Variants in SYAP1 observed in about 807,000 individuals in gnomAD.
The protein encoded by SYAP1 is synapse associated protein 1, also known as synapse-associated protein 1.
SYAP1 carries 3 observed loss-of-function variants against 29.6 expected under a neutral mutation model. The observed-to-expected ratio is 0.10, with a 90% confidence interval of 0.05 to 0.26. SYAP1 has a LOEUF of 0.26. Ranked by LOEUF, SYAP1 falls within the 10% of genes least tolerant of loss-of-function variation. SYAP1 has a pLI of 1.00. For missense variants in SYAP1, 217 were observed against 264.1 expected, an observed-to-expected ratio of 0.82 and a Z score of 1.24; for synonymous variants, 102 against 102.7, an observed-to-expected ratio of 0.99 and a Z score of 0.04.
At chrX:16,750,564 G>A (rs1010682984) in intron 5 of SYAP1, among the ~76,000 whole-genome samples, 19 of 111,024 alleles carry the variant, frequency 1.7e-4, no homozygotes, top group African/African-American at 6.2e-4. Flanking sequence ...GTGGGGCTGT[G>A]TCTGGCAGCA....
intron 5 of SYAP1, among the ~76,000 whole-genome samples, chrX:16,746,003 G>A (rs983943120): frequency 2.7e-5 from 3 of 109,703 alleles, no homozygotes; most frequent in Non-Finnish European, 3.8e-5. Context: ...AGCAGCACAG[G>A]TTTTCTGTCT....
chrX:16,761,894 T>C lies in SYAP1; in HGVS notation c.*1535T>C, dbSNP rs1292928318. Reference sequence around the variant, plus strand: ...AGTCAGTAGTCCTTTGGCAAAGATATAGTCAACAAGAGAACTGGGTATGAG... The same window carrying C: ...AGTCAGTAGTCCTTTGGCAAAGATACAGTCAACAAGAGAACTGGGTATGAG... On this transcript the variant is annotated 3_prime_UTR_variant, in exon 9 of 9. Coordinates refer to ENST00000380155, the MANE Select transcript of SYAP1 (RefSeq NM_032796.4). 1.8e-5 allele frequency: 2 copies of C among 112,126 alleles called. No individual in the cohort carries two copies. Among genetic ancestry groups the C allele is most frequent in the Non-Finnish European group, 3.8e-5 (2 of 53,283 alleles). 9.2% of individuals were successfully genotyped at this position (112,126 alleles called of 1,213,427 possible).
intron 1 of SYAP1, among the ~76,000 whole-genome samples, chrX:16,728,389 G>A (rs947515459): frequency 6.3e-5 from 7 of 111,562 alleles, no homozygotes; most frequent in Admixed American, 4.8e-4. Flanking sequence ...CAAAACAGCC[G>A]GGCACAGTGG....
rs1406947077 is a variant in SYAP1 at position 16,764,355 on chromosome X, T to C, written c.*3996T>C. ...TAGCAAATTTAGTTTTTCAACTTTT[T>C]TTTTTTTCTTTTTTTTTTTTTTTGA... On this transcript the variant is annotated 3_prime_UTR_variant, in exon 9 of 9. Coordinates refer to ENST00000380155, the MANE Select transcript of SYAP1 (RefSeq NM_032796.4). 9.2e-6 allele frequency: 1 copy of C among 108,594 alleles called. No individual in the cohort carries two copies. The highest frequency in any genetic ancestry group is 1.9e-5 in the Non-Finnish European group (1 of 52,316). 8.9% of individuals were successfully genotyped at this position (108,594 alleles called of 1,213,427 possible). A position where few individuals can be genotyped will look rare whatever the true frequency, so the allele number is the denominator to read the frequency against.
intron 1 of SYAP1, among the ~76,000 whole-genome samples, chrX:16,722,462 A>T (rs1362772519): frequency 9.3e-6 from 1 of 107,300 alleles, no homozygotes. Context: ...CGGGAGGCGG[A>T]GGTTGCAGTG....
intron 5 of SYAP1, among the ~76,000 whole-genome samples, chrX:16,744,614 C>G (rs755163852): frequency 8.9e-6 from 1 of 111,748 alleles, no homozygotes. Flanking sequence ...GGGAGGATCA[C>G]GTGAGGTTGA....
chrX:16,736,501 TCTC>T, intron 3 of SYAP1: 2 of 246,447 alleles, frequency 8.1e-6, no homozygotes, highest in Non-Finnish European at 7.3e-6. Context: ...GTTCTGACTT[TCTC>T]TTTTCTTTTC....
intron 3 of SYAP1, among the ~76,000 whole-genome samples, chrX:16,737,853 C>T (rs1926364789): frequency 8.9e-6 from 1 of 112,150 alleles, no homozygotes; most frequent in African/African-American, 3.2e-5. Context: ...TTCGTTTGCT[C>T]AGTGTGGCTC....
chrX:16,732,926 C>T (rs1186613296), intron 1 of SYAP1, among the ~76,000 whole-genome samples: 1 of 111,920 alleles, frequency 8.9e-6, no homozygotes, highest in Non-Finnish European at 1.9e-5. Flanking sequence ...ACCAAGTAAT[C>T]GGTAGAGTGT....
intron 5 of SYAP1, among the ~76,000 whole-genome samples, chrX:16,747,658 T>G (rs1371088089): frequency 8.8e-6 from 1 of 113,055 alleles, no homozygotes; most frequent in African/African-American, 3.2e-5. Context: ...ATTTGGCAAT[T>G]AGTGTTTCTA....
chrX:16,755,523 C>T (rs1288773818), intron 6 of SYAP1, among the ~76,000 whole-genome samples: 2 of 109,482 alleles, frequency 1.8e-5, no homozygotes, highest in Non-Finnish European at 3.8e-5. Context: ...ATTTTTGGCC[C>T]TTAACCATGT....
At chrX:16,753,216 C>G (rs960379163) in intron 5 of SYAP1, among the ~76,000 whole-genome samples, 1 of 104,521 alleles carries the variant, frequency 9.6e-6, no homozygotes, top group African/African-American at 3.5e-5. Flanking sequence ...TGCACTCCAA[C>G]CTGGGTGACA....
chrX:16,721,694 AT>A (rs200577986), intron 1 of SYAP1, among the ~76,000 whole-genome samples: 118 of 101,089 alleles, frequency 1.2e-3, no homozygotes, highest in Admixed American at 1.3e-3. Context: ...CACCTGGCTA[AT>A]TTTTTTTTTT....
chrX:16,729,297 A>G (rs1267166280), intron 1 of SYAP1, among the ~76,000 whole-genome samples: 1 of 110,836 alleles, frequency 9.0e-6, no homozygotes, highest in Non-Finnish European at 1.9e-5. Context: ...TTTCACCTTT[A>G]CGTTAGTGTA....
At chrX:16,723,211 CTAAAGT>C (rs1926003523) in intron 1 of SYAP1, among the ~76,000 whole-genome samples, 1 of 111,756 alleles carries the variant, frequency 8.9e-6, no homozygotes, top group Non-Finnish European at 1.9e-5. Flanking sequence ...AAGAGGACTC[CTAAAGT>C]TAGAGTGTAC....
chrX:16,760,353 A>C lies in SYAP1; in HGVS notation c.1053A>C (p.Glu351Asp). The C allele has an allele frequency of 8.4e-7, 1 of 1,190,230 alleles. No individual in the cohort carries two copies. Among genetic ancestry groups the C allele is most frequent in the South Asian group, 1.9e-5 (1 of 52,446 alleles). ...AAATAGAGAAAATGCTTCAAGAGGA[A>C]AATTAGCTGTTCCTGAAATAGAAGA... ...DKEIEKMLQE[E>D]N The change falls in exon 9 of 9, where the codon GAA becomes GAC. Residue 351 changes from glutamate (E) to aspartate (D), a missense_variant. By Grantham distance (45) the Glu-to-Asp change is conservative. Transcript: ENST00000380155.
chrX:16,739,427 C>T (rs1248815615), intron 3 of SYAP1, among the ~76,000 whole-genome samples: 3 of 108,916 alleles, frequency 2.8e-5, no homozygotes, highest in Non-Finnish European at 5.7e-5. Flanking sequence ...ATTTGCTCTC[C>T]AAGGGCCTGC....
At chrX:16,730,156 C>T (rs1380251535) in intron 1 of SYAP1, among the ~76,000 whole-genome samples, 1 of 111,491 alleles carries the variant, frequency 9.0e-6, no homozygotes, top group Admixed American at 9.6e-5. Context: ...GAGTTCGAGA[C>T]CAGCCTGACC....
intron 1 of SYAP1, among the ~76,000 whole-genome samples, chrX:16,728,907 T>C (rs1926140266): frequency 9.7e-6 from 1 of 103,358 alleles, no homozygotes; most frequent in Non-Finnish European, 2.0e-5. Context: ...GGCATGGTGG[T>C]GCACACCTGT....
Sources: gnomAD v4.1 joint callset for allele counts (sites outside exome capture counted in the v4.1 genomes callset) on GRCh38, gnomAD v4.1.1 for gene constraint, MANE v1.5 for transcripts, NCBI Gene and HGNC (gene_info 2026-07-23, HGNC 2026-07-21) for gene names.